FUT9: variants seen among roughly 807,000 people sequenced by gnomAD.
FUT9 encodes the protein 4-galactosyl-N-acetylglucosaminide 3-alpha-L-fucosyltransferase 9.
In FUT9, 15 loss-of-function variants were observed where a neutral mutation model predicts 29.7. The ratio of observed to expected loss-of-function variants is 0.51; its 90% CI spans 0.34 to 0.78. The LOEUF is 0.78. Among genes scored for constraint, FUT9 ranks in the 30% least tolerant of loss-of-function variants. The probability of loss-of-function intolerance (pLI) is 0.01; values close to 1 mark genes in which losing one functional copy is unlikely to be tolerated. For synonymous variants in FUT9, 169 were observed against 153.7 expected, an observed-to-expected ratio of 1.10 and a Z score of -0.74; for missense variants, 319 against 425.4, an observed-to-expected ratio of 0.75 and a Z score of 2.20.
At chr6:96,135,894 A>G (rs1772339889) in intron 2 of FUT9, among the ~76,000 whole-genome samples, 1 of 151,398 alleles carries the variant, frequency 6.6e-6, no homozygotes, top group Admixed American at 6.6e-5. Context: ...TCTTTCCAAG[A>G]CCAACACTGT....
At chr6:96,164,523 G>C (rs1391054090) in intron 2 of FUT9, among the ~76,000 whole-genome samples, 1 of 152,128 alleles carries the variant, frequency 6.6e-6, no homozygotes, top group Non-Finnish European at 1.5e-5. Context: ...CTCCCAAAGT[G>C]CTAGGATTAC....
At chr6:96,044,366 C>T (rs1290477812) in intron 1 of FUT9, among the ~76,000 whole-genome samples, 3 of 152,096 alleles carry the variant, frequency 2.0e-5, no homozygotes. Context: ...AATAGCAAAC[C>T]CATTTGCATT....
At chr6:96,098,785 A>T (rs1253020419) in intron 1 of FUT9, among the ~76,000 whole-genome samples, 1 of 152,150 alleles carries the variant, frequency 6.6e-6, no homozygotes, top group Non-Finnish European at 1.5e-5. Context: ...TTCAACCCAC[A>T]TTTATTCATC....
chr6:96,141,259 C>T (rs12216292), intron 2 of FUT9, among the ~76,000 whole-genome samples: 26,667 of 152,046 alleles, frequency 0.18, 2,716 homozygotes, highest in East Asian at 0.31. Context: ...AATATATAGG[C>T]TTTTGTATCA....
chr6:96,079,801 G>A (rs941169356), intron 1 of FUT9, among the ~76,000 whole-genome samples: 30 of 151,968 alleles, frequency 2.0e-4, no homozygotes, highest in African/African-American at 7.0e-4. Context: ...TACAATGTTA[G>A]CTATCAAAGT....
chr6:96,037,592 A>C (rs1770385422), intron 1 of FUT9, among the ~76,000 whole-genome samples: 1 of 152,068 alleles, frequency 6.6e-6, no homozygotes, highest in South Asian at 2.1e-4. Context: ...AAGGGGCAGC[A>C]AAAATGGAAT....
rs1487181802 is a variant in FUT9 at position 96,206,232 on chromosome 6, C to A, written c.*1997C>A. 3 of 166,966 alleles carry A rather than the reference C, an allele frequency of 1.8e-5. No homozygotes were observed. The highest frequency in any genetic ancestry group is 4.4e-5 in the Non-Finnish European group (3 of 68,098). The allele number at this position is 166,966 out of a possible 1,614,324, so 10.3% of individuals were successfully genotyped here. On this transcript the variant is annotated 3_prime_UTR_variant, in exon 3 of 3. Transcript: ENST00000302103. ...GCAAACTTTGTCAACTCTTTTGACCCAACATATTATTCTCTCCGTATTATC... is the reference window on the plus strand; with the variant it reads ...GCAAACTTTGTCAACTCTTTTGACCAAACATATTATTCTCTCCGTATTATC...
intron 2 of FUT9, among the ~76,000 whole-genome samples, chr6:96,142,716 A>G (rs887492379): frequency 6.6e-6 from 1 of 152,170 alleles, no homozygotes; most frequent in African/African-American, 2.4e-5. Context: ...AATAGCGAAT[A>G]GAAGGATCAT....
At chr6:96,107,616 A>T (rs549711293) in intron 1 of FUT9, among the ~76,000 whole-genome samples, 1 of 152,296 alleles carries the variant, frequency 6.6e-6, no homozygotes, top group African/African-American at 2.4e-5. Flanking sequence ...AATTTGGACA[A>T]ATCTATGTCA....
intron 2 of FUT9, among the ~76,000 whole-genome samples, chr6:96,131,912 A>T (rs559219708): frequency 6.6e-6 from 1 of 152,258 alleles, no homozygotes; most frequent in South Asian, 2.1e-4. Flanking sequence ...TCAGTAAATT[A>T]CAAGAGTTAT....
At chr6:96,189,009 G>T (rs757822862) in intron 2 of FUT9, among the ~76,000 whole-genome samples, 1 of 152,028 alleles carries the variant, frequency 6.6e-6, no homozygotes, top group Admixed American at 6.6e-5. Context: ...AGGTAAACTT[G>T]ATACTGTGGC....
chr6:96,075,625 T>C (rs1303644980), intron 1 of FUT9, among the ~76,000 whole-genome samples: 1 of 152,204 alleles, frequency 6.6e-6, no homozygotes, highest in Non-Finnish European at 1.5e-5. Context: ...CGGACTTGGA[T>C]CTTCTTATAA....
At position 96,076,056 on chromosome 6, in the gene FUT9, G is replaced by A. The variant is rs550895639; in HGVS notation, c.-97-37983G>A. On this transcript the variant is annotated intron_variant, in intron 1 of 2. Coordinates refer to ENST00000302103, the MANE Select transcript of FUT9 (RefSeq NM_006581.4). ...AAATAATGAAATGACTGGGCAAGTG[G>A]TCTGAAGTGAGCTGTGACTCAGGGC... is the stretch of plus-strand genomic sequence containing the variant. Among the ~76,000 whole-genome samples the A allele has an allele frequency of 1.1e-4, 17 of 152,178 alleles. 1 individual carries two copies. In the South Asian group the frequency reaches 3.5e-3, roughly 32 times the overall value.
chr6:96,120,448 A>G (rs1288156137), intron 2 of FUT9, among the ~76,000 whole-genome samples: 1 of 146,658 alleles, frequency 6.8e-6, no homozygotes, highest in Non-Finnish European at 1.5e-5. Context: ...TTTTTTTTTA[A>G]TTTTTTTTTT....
chr6:96,169,471 T>A (rs1773072596), intron 2 of FUT9, among the ~76,000 whole-genome samples: 1 of 152,164 alleles, frequency 6.6e-6, no homozygotes, highest in Non-Finnish European at 1.5e-5. Context: ...AAAGTAACAA[T>A]TTATTTTTCA....
At chr6:96,113,248 CTT>C (rs751961829) in intron 1 of FUT9, among the ~76,000 whole-genome samples, 2 of 151,552 alleles carry the variant, frequency 1.3e-5, no homozygotes, top group Admixed American at 6.6e-5. Context: ...TATTCAATAA[CTT>C]TTTTTTGAGA....
intron 1 of FUT9, among the ~76,000 whole-genome samples, chr6:96,035,005 T>C (rs1324348824): frequency 6.6e-6 from 1 of 151,648 alleles, no homozygotes; most frequent in African/African-American, 2.4e-5. Flanking sequence ...ATAGGCAAAT[T>C]AGCTACAATT....
chr6:96,102,291 A>G (rs1771599950), intron 1 of FUT9, among the ~76,000 whole-genome samples: 1 of 152,184 alleles, frequency 6.6e-6, no homozygotes, highest in Non-Finnish European at 1.5e-5. Flanking sequence ...AGAACAATAT[A>G]TCAGAAATTT....
chr6:96,136,536 A>G (rs1333489389), intron 2 of FUT9, among the ~76,000 whole-genome samples: 2 of 151,964 alleles, frequency 1.3e-5, no homozygotes, highest in African/African-American at 2.4e-5. Flanking sequence ...TTTTATCTTT[A>G]TATTTTAGTT....
Sources: gnomAD v4.1 joint callset for allele counts (sites outside exome capture counted in the v4.1 genomes callset) on GRCh38, gnomAD v4.1.1 for gene constraint, MANE v1.5 for transcripts, NCBI Gene and HGNC (gene_info 2026-07-23, HGNC 2026-07-21) for gene names.